AKAP13: variants seen among roughly 807,000 people sequenced by gnomAD.
AKAP13 encodes A-kinase anchor protein 13.
In AKAP13, 80 loss-of-function variants were observed where a neutral mutation model predicts 264.5. That is an observed-to-expected ratio of 0.30 (90% CI 0.25 to 0.36). AKAP13 has a LOEUF of 0.36. AKAP13 is among the 10% of genes least tolerant of loss of function. AKAP13 has a pLI of 1.00. For synonymous variants in AKAP13, 1,380 were observed against 1,250.2 expected (o/e 1.10, Z -2.19); for missense variants, 3,712 against 3,435.2 (o/e 1.08, Z -2.01).
chr15:85,555,583 G>C, intron 5 of AKAP13: 1 of 868,604 alleles, frequency 1.2e-6, no homozygotes, highest in Non-Finnish European at 1.7e-6. Context: ...TCAACCTGAA[G>C]CATCATTGAA....
At chr15:85,398,431 A>G (rs1206992173) in intron 1 of AKAP13, among the ~76,000 whole-genome samples, 1 of 152,208 alleles carries the variant, frequency 6.6e-6, no homozygotes, top group Admixed American at 6.5e-5. Flanking sequence ...GAAAACTTGT[A>G]GAGAGAGAGT....
rs764434781 is a variant in AKAP13, at chr15:85,710,555, T to C, written c.5533-24T>C. 4 of 1,612,110 alleles carry C rather than the reference T, an allele frequency of 2.5e-6. No individual in the cohort carries two copies. The Admixed American group carries it at 6.7e-5, about 27-fold the overall frequency. On this transcript the variant is annotated intron_variant, in intron 18 of 36. Coordinates refer to ENST00000394518, the MANE Select transcript of AKAP13 (RefSeq NM_007200.5). ...GGGCTTGTCAGAGGTGAATTGTCAA[T>C]GGACTTACTTTCTTTCTCTTTAGCA...
chr15:85,497,316 A>G (rs1256856664), intron 2 of AKAP13, among the ~76,000 whole-genome samples: 7 of 152,212 alleles, frequency 4.6e-5, no homozygotes, highest in Non-Finnish European at 1.0e-4. Flanking sequence ...ATTACAGTGC[A>G]AGGAATACCT....
chr15:85,665,643 A>C (rs2083551694), intron 13 of AKAP13, among the ~76,000 whole-genome samples: 1 of 152,170 alleles, frequency 6.6e-6, no homozygotes, highest in Admixed American at 6.5e-5. Context: ...CTCGTCATTT[A>C]CATTAGGTAT....
intron 13 of AKAP13, among the ~76,000 whole-genome samples, chr15:85,665,074 G>T (rs1219298890): frequency 6.6e-6 from 1 of 152,034 alleles, no homozygotes; most frequent in Non-Finnish European, 1.5e-5. Flanking sequence ...ATGGTGGTTT[G>T]TGCTTGTAGT....
chr15:85,598,842 T>G (rs1023202899), intron 8 of AKAP13, among the ~76,000 whole-genome samples: 2 of 152,238 alleles, frequency 1.3e-5, no homozygotes, highest in Admixed American at 1.3e-4. Context: ...TTAAGTGGAA[T>G]TCTGCTGAAA....
chr15:85,602,314 T>C (rs970598118), intron 8 of AKAP13, among the ~76,000 whole-genome samples: 6 of 151,808 alleles, frequency 4.0e-5, no homozygotes, highest in African/African-American at 1.5e-4. Flanking sequence ...TAGCTGAGAT[T>C]ACAGGCGTGC....
At chr15:85,651,892 T>C (rs1450104107) in intron 10 of AKAP13, among the ~76,000 whole-genome samples, 1 of 152,180 alleles carries the variant, frequency 6.6e-6, no homozygotes, top group Non-Finnish European at 1.5e-5. Context: ...ATATGGTAGG[T>C]ATAGGTTTAG....
intron 16 of AKAP13, among the ~76,000 whole-genome samples, chr15:85,686,285 A>G (rs338549): frequency 0.081 from 12,292 of 152,178 alleles, 830 homozygotes; most frequent in East Asian, 0.37. Flanking sequence ...CAAACATTGA[A>G]TTCAAGAATA....
chr15:85,527,449 G>T (rs549911852), intron 3 of AKAP13, among the ~76,000 whole-genome samples: 53 of 152,340 alleles, frequency 3.5e-4, no homozygotes, highest in African/African-American at 1.3e-3. Context: ...TGGTATATCT[G>T]TGGTATTAAA....
At chr15:85,675,974 C>G (rs974908015) in intron 14 of AKAP13, among the ~76,000 whole-genome samples, 3 of 151,926 alleles carry the variant, frequency 2.0e-5, no homozygotes, top group African/African-American at 7.3e-5. Context: ...TGTAGTGGCG[C>G]TATCTCGGCT....
chr15:85,416,430 C>A (rs1384874609), intron 1 of AKAP13, among the ~76,000 whole-genome samples: 1 of 152,150 alleles, frequency 6.6e-6, no homozygotes, highest in African/African-American at 2.4e-5. Flanking sequence ...GCTGGTAAGC[C>A]ACTTTAGAAA....
chr15:85,650,903 A>G (rs1014014019), intron 10 of AKAP13, among the ~76,000 whole-genome samples: 1 of 151,956 alleles, frequency 6.6e-6, no homozygotes, highest in Non-Finnish European at 1.5e-5. Context: ...TTGAACATAA[A>G]TGGATTAAAT....
At chr15:85,706,242 G>A (rs1309749242) in intron 17 of AKAP13, among the ~76,000 whole-genome samples, 1 of 152,110 alleles carries the variant, frequency 6.6e-6, no homozygotes, top group Admixed American at 6.5e-5. Context: ...TGCAAGTCCT[G>A]GGCATCTCTG....
In AKAP13 at chr15:85,581,874, T is replaced by C; in HGVS notation, c.3806T>C (p.Leu1269Pro). 6.2e-7 allele frequency: 1 copy of C among 1,614,192 alleles called. No individual in the cohort carries two copies. Among genetic ancestry groups the C allele is most frequent in the East Asian group, 2.2e-5 (1 of 44,880 alleles). Residue 1269 changes from leucine (L) to proline (P), a missense_variant, in exon 7 of 37, where the codon CTG (leucine) becomes CCG (proline). Physicochemically the swap from Leu to Pro is moderately conservative, Grantham distance 98. Transcript: ENST00000394518. ...VIEQVKAAGA[L>P]LTEGEACHMS... ...GAACAAGTCAAGGCCGCTGGAGCAC[T>C]GCTTACTGAGGGGGAGGCCTGTCAC... is the stretch of plus-strand genomic sequence containing the variant.
chr15:85,631,483 T>TTCTCTCTC (rs144246285), intron 8 of AKAP13, among the ~76,000 whole-genome samples: 45 of 120,270 alleles, frequency 3.7e-4, no homozygotes, highest in Non-Finnish European at 5.8e-4. Context: ...CACACACACT[T>TTCTCTCTC]TCTCTCTCTC....
chr15:85,691,082 T>G (rs1190853364), intron 16 of AKAP13, among the ~76,000 whole-genome samples: 7 of 152,210 alleles, frequency 4.6e-5, no homozygotes, highest in Non-Finnish European at 1.0e-4. Flanking sequence ...TCAGAGTTAT[T>G]GAGTCAGACG....
At chr15:85,530,931 G>A (rs1046349660) in intron 3 of AKAP13, among the ~76,000 whole-genome samples, 3 of 152,162 alleles carry the variant, frequency 2.0e-5, no homozygotes, top group Non-Finnish European at 4.4e-5. Context: ...CTAGAGTCCA[G>A]TGGCATGATC....
At chr15:85,392,101 A>C (rs890762020) in intron 1 of AKAP13, among the ~76,000 whole-genome samples, 1 of 151,604 alleles carries the variant, frequency 6.6e-6, no homozygotes, top group Non-Finnish European at 1.5e-5. Flanking sequence ...ATTCTTAATA[A>C]AAGGAGTTAA....
Sources: allele counts gnomAD v4.1 joint callset (sites outside exome capture counted in the v4.1 genomes callset), GRCh38; gene constraint gnomAD v4.1.1; transcripts MANE v1.5; gene names NCBI Gene and HGNC (gene_info 2026-07-23, HGNC 2026-07-21).